Variants in RSPH3 observed in about 807,000 individuals in gnomAD.
RSPH3 encodes radial spoke head protein 3 homolog.
RSPH3 carries 21 observed loss-of-function variants against 43.8 expected under a neutral mutation model. That is an observed-to-expected ratio of 0.48 (90% CI 0.34 to 0.69). RSPH3 has a LOEUF of 0.69. RSPH3 is among the 30% of genes least tolerant of loss of function. RSPH3 has a pLI of 0.01. For missense variants in RSPH3, 487 were observed against 516.0 expected, an observed-to-expected ratio of 0.94 and a Z score of 0.54; for synonymous variants, 173 against 179.8, an observed-to-expected ratio of 0.96 and a Z score of 0.30.
At chr6:158,972,312 G>A (rs1777702305), downstream of RSPH3, among the ~76,000 whole-genome samples, 1 of 152,106 alleles carries the variant, frequency 6.6e-6, no homozygotes, top group African/African-American at 2.4e-5. Flanking sequence ...ATGAAACAAA[G>A]ACTAACTGAC....
chr6:158,994,952 C>T (rs114492303), intron 1 of RSPH3, among the ~76,000 whole-genome samples: 1 of 152,172 alleles, frequency 6.6e-6, no homozygotes, highest in African/African-American at 2.4e-5. Context: ...GCTGGCCACT[C>T]CTTCACTGAA....
chr6:158,964,548 T>C, the RSPH3 span, among the ~76,000 whole-genome samples: 1 of 152,228 alleles, frequency 6.6e-6, no homozygotes, highest in Non-Finnish European at 1.5e-5. Flanking sequence ...TGAAGTAGTT[T>C]TGATTTGCAA....
chr6:158,988,481 G>A (rs1266142880), intron 2 of RSPH3, among the ~76,000 whole-genome samples: 1 of 152,132 alleles, frequency 6.6e-6, no homozygotes, highest in Non-Finnish European at 1.5e-5. Flanking sequence ...CCCACTCCTT[G>A]CTCTTGCTCA....
At chr6:158,965,009 T>C in the RSPH3 span, among the ~76,000 whole-genome samples, 2 of 152,170 alleles carry the variant, frequency 1.3e-5, no homozygotes, top group Non-Finnish European at 2.9e-5. Context: ...GACTTAATTC[T>C]TTAGCATGTG....
chr6:158,977,596 A>G lies in RSPH3; in HGVS notation c.1199T>C (p.Leu400Ser), dbSNP rs367979742. ...CATTGCTGTTTCTTCATCTTGCCCT[A>G]AGAGTTCTCTCTCTTCCATAAACTT... ...ERKFMEERELLGQDEETAMRK... is the reference protein window; with the variant it reads ...ERKFMEERELSGQDEETAMRK... The change falls in exon 8 of 8, where the codon TTA (leucine) becomes TCA (serine). Residue 400 changes from leucine to serine, a missense_variant. Transcript: ENST00000367069. 4 of 1,613,820 alleles carry G rather than the reference A, an allele frequency of 2.5e-6. No homozygotes were observed. The African/African-American group carries it at 5.3e-5, about 22-fold the overall frequency.
chr6:158,983,609 A>T, intron 4 of RSPH3, 53 bp downstream of exon 4: 1 of 1,385,474 alleles, frequency 7.2e-7, no homozygotes, highest in South Asian at 1.2e-5. Flanking sequence ...TCTACACCTA[A>T]CTTTACCTCA....
At chr6:158,979,496 T>C (rs1777959445) in intron 6 of RSPH3, among the ~76,000 whole-genome samples, 1 of 152,138 alleles carries the variant, frequency 6.6e-6, no homozygotes, top group African/African-American at 2.4e-5. Context: ...GTTTGAGGCC[T>C]AATATTTCCA....
chr6:158,986,804 T>C (rs1463546133), intron 2 of RSPH3, among the ~76,000 whole-genome samples: 1 of 152,256 alleles, frequency 6.6e-6, no homozygotes, highest in Non-Finnish European at 1.5e-5. Flanking sequence ...CTAGTTTTAC[T>C]TCATTGTGGT....
Position 158,999,643 on chromosome 6 carries a change from GC to G in RSPH3, c.-94del, listed in dbSNP as rs1778783759. On this transcript the variant is annotated 5_prime_UTR_variant, in exon 1 of 8. It introduces an in-frame stop codon into an upstream open reading frame of the 5' UTR. Coordinates refer to ENST00000367069, the MANE Select transcript of RSPH3 (RefSeq NM_031924.8). ...TGGGACCCGGAGAGATGTAAGTAGT[GC>G]CAAGGGCAAGGATTCCGCGACGCGA... 1.2e-6 allele frequency: 2 copies of G among 1,614,088 alleles called. No individual in the cohort carries two copies. The highest frequency in any genetic ancestry group is 1.7e-6 in the Non-Finnish European group (2 of 1,179,994).
At position 158,977,480 on chromosome 6, in the gene RSPH3, T is replaced by TATG; in HGVS notation, c.*57_*58insCAT. On this transcript the variant is annotated 3_prime_UTR_variant, in exon 8 of 8. Coordinates refer to ENST00000367069, the MANE Select transcript of RSPH3 (RefSeq NM_031924.8). ...TAACCTGAGGGGACTCGCACATCATTACCTGATTGCTTGCTGACTTGGCTG... is the reference window on the plus strand; with the variant it reads ...TAACCTGAGGGGACTCGCACATCATTATGACCTGATTGCTTGCTGACTTGGCTG... The TATG allele has an allele frequency of 6.8e-7, 1 of 1,470,230 alleles. No individual in the cohort carries two copies. The allele number at this position is 1,470,230 out of a possible 1,614,324, so 91.1% of individuals were successfully genotyped here.
intron 4 of RSPH3, among the ~76,000 whole-genome samples, chr6:158,983,086 G>C (rs1377535569): frequency 6.6e-6 from 1 of 152,156 alleles, no homozygotes; most frequent in Non-Finnish European, 1.5e-5. Context: ...CTTTCAGGTA[G>C]CTTCTGAAGA....
chr6:158,988,549 A>G (rs879849450), intron 2 of RSPH3, among the ~76,000 whole-genome samples: 6 of 152,086 alleles, frequency 3.9e-5, no homozygotes, highest in Non-Finnish European at 8.8e-5. Context: ...AATTTTCTAT[A>G]TCTTATAAGC....
chr6:158,970,866 T>C (rs1777687583), downstream of RSPH3, among the ~76,000 whole-genome samples: 1 of 152,202 alleles, frequency 6.6e-6, no homozygotes, highest in South Asian at 2.1e-4. Flanking sequence ...CAAAGCTTTT[T>C]AAAGCCCCTT....
chr6:158,980,826 A>T lies in RSPH3; in HGVS notation c.807T>A (p.Ser269=). 1.9e-6 allele frequency: 3 copies of T among 1,614,174 alleles called. No individual in the cohort carries two copies. Among genetic ancestry groups the T allele is most frequent in the Non-Finnish European group, 2.5e-6 (3 of 1,179,986 alleles). Residue 269 remains serine, a synonymous_variant, in exon 6 of 8, where the codon TCT becomes TCA. Transcript: ENST00000367069. ...CACTATCCCTGAGGCTGCCAAAAAC[A>T]GACGGGAGAAGGTCAGCCAGGTAAC... is the stretch of plus-strand genomic sequence containing the variant. ...AQRYLADLLP[S]VFGSLRDSGY...
At chr6:158,984,147 T>A (rs1778134407) in intron 3 of RSPH3, among the ~76,000 whole-genome samples, 1 of 151,778 alleles carries the variant, frequency 6.6e-6, no homozygotes, top group African/African-American at 2.4e-5. Context: ...GAAAAAAAAA[T>A]TCTGGTCTAT....
intron 1 of RSPH3, among the ~76,000 whole-genome samples, chr6:158,998,105 G>A (rs1025195561): frequency 6.6e-6 from 1 of 151,988 alleles, no homozygotes; most frequent in Non-Finnish European, 1.5e-5. Context: ...AACATTTGAG[G>A]CTTATGGAAA....
rs759576320 is a variant in RSPH3 at position 158,997,434 on chromosome 6, G to A, written c.116+2001C>T. Among the ~76,000 whole-genome samples, 62 of 151,804 alleles carry A rather than the reference G, an allele frequency of 4.1e-4. 1 individual carries two copies. Among genetic ancestry groups the A allele is most frequent in the Non-Finnish European group, 7.7e-4 (52 of 67,970 alleles). On this transcript the variant is annotated intron_variant, in intron 1 of 7. Coordinates refer to ENST00000367069, the MANE Select transcript of RSPH3 (RefSeq NM_031924.8). ...TTACAGGTACATGCCACCATGCCCG[G>A]CTACTCTCCTGAACACTTAAAAAAT...
chr6:158,982,921 G>C (rs1778084408), intron 4 of RSPH3, among the ~76,000 whole-genome samples: 1 of 152,086 alleles, frequency 6.6e-6, no homozygotes, highest in South Asian at 2.1e-4. Context: ...TCATCAAAAT[G>C]AACCCTGACA....
At position 158,977,806 on chromosome 6, in the gene RSPH3, T is replaced by A. The variant is rs1300598758; in HGVS notation, c.989A>T (p.Glu330Val). ...AGACTGATGTGTGTCTTCCCCATGCTCATACATACACAGCCTCTTTTCAAC... is the reference window on the plus strand; with the variant it reads ...AGACTGATGTGTGTCTTCCCCATGCACATACATACACAGCCTCTTTTCAAC... ...EVVEKRLCMY[E>V]HGEDTHQSPE... Residue 330 changes from glutamate to valine, a missense_variant, in exon 8 of 8, where the codon GAG becomes GTG. Coordinates refer to ENST00000367069, the MANE Select transcript of RSPH3 (RefSeq NM_031924.8). 4 of 1,613,974 alleles carry A rather than the reference T, an allele frequency of 2.5e-6. No individual in the cohort carries two copies. Among genetic ancestry groups the A allele is most frequent in the Non-Finnish European group, 3.4e-6 (4 of 1,180,004 alleles).
Sources: allele counts gnomAD v4.1 joint callset (sites outside exome capture counted in the v4.1 genomes callset), GRCh38; gene constraint gnomAD v4.1.1; transcripts MANE v1.5; gene names NCBI Gene and HGNC (gene_info 2026-07-23, HGNC 2026-07-21).